TBC1D19: variants seen among roughly 807,000 people sequenced by gnomAD.
TBC1D19 encodes TBC1 domain family member 19, also known as TBC1 domain family, member 19.
TBC1D19 carries 60 observed loss-of-function variants against 89.0 expected under a neutral mutation model. That is an observed-to-expected ratio of 0.67 (90% CI 0.55 to 0.84). The LOEUF (loss-of-function observed/expected upper bound fraction) is 0.84, where lower values mean the gene tolerates loss of function less well. Among genes scored for constraint, TBC1D19 ranks in the 40% least tolerant of loss-of-function variants. TBC1D19 has a pLI of 0.00. For synonymous variants in TBC1D19, 189 were observed against 199.7 expected, an observed-to-expected ratio of 0.95 and a Z score of 0.45; for missense variants, 500 against 610.8, an observed-to-expected ratio of 0.82 and a Z score of 1.91.
intron 3 of TBC1D19, among the ~76,000 whole-genome samples, chr4:26,615,665 G>T (rs768278788): frequency 6.6e-6 from 1 of 152,022 alleles, no homozygotes; most frequent in Non-Finnish European, 1.5e-5. Flanking sequence ...ATTAGCATTT[G>T]CTTCTTTGCT....
the TBC1D19 span, among the ~76,000 whole-genome samples, chr4:26,853,954 A>G: frequency 1.3e-4 from 20 of 152,356 alleles, no homozygotes; most frequent in East Asian, 3.5e-3. Context: ...CTTCGTTTCC[A>G]TATCAGAAGG....
the TBC1D19 span, among the ~76,000 whole-genome samples, chr4:26,833,158 G>T: frequency 6.6e-6 from 1 of 152,162 alleles, no homozygotes; most frequent in African/African-American, 2.4e-5. Context: ...AGCGAAGAAA[G>T]ACTTTACATT....
At chr4:26,666,221 C>T (rs1711796149) in intron 8 of TBC1D19, 112 bp from the exon 9 acceptor site, 1 of 793,510 alleles carries the variant, frequency 1.3e-6, no homozygotes. Context: ...AAAGCAAAGC[C>T]TCATTTCACA....
At chr4:26,618,306 A>G (rs1235394391) in intron 3 of TBC1D19, among the ~76,000 whole-genome samples, 3 of 152,330 alleles carry the variant, frequency 2.0e-5, no homozygotes, top group Middle Eastern at 3.4e-3. Context: ...TGGGGATGTC[A>G]TGGTGGCTTA....
At chr4:26,637,861 A>G (rs1180177103) in intron 5 of TBC1D19, among the ~76,000 whole-genome samples, 2 of 152,194 alleles carry the variant, frequency 1.3e-5, no homozygotes, top group African/African-American at 4.8e-5. Flanking sequence ...TTGGCTGTAA[A>G]GATTAGGAAT....
intron 1 of TBC1D19, among the ~76,000 whole-genome samples, chr4:26,604,153 T>C (rs955415714): frequency 3.1e-5 from 4 of 128,070 alleles, no homozygotes; most frequent in East Asian, 4.2e-4. Flanking sequence ...TTTTTCTTTT[T>C]TTTTTTTTTT....
At chr4:26,801,188 G>A in the TBC1D19 span, among the ~76,000 whole-genome samples, 9 of 152,146 alleles carry the variant, frequency 5.9e-5, no homozygotes, top group Non-Finnish European at 1.3e-4. Flanking sequence ...TTTAGTGTAA[G>A]GTGTAAGGAA....
Position 26,755,892 on chromosome 4 carries a change from T to G in TBC1D19, c.*945T>G, listed in dbSNP as rs1367768990. 6.6e-6 allele frequency among the ~76,000 whole-genome samples: 1 copy of G among 152,196 alleles called. No homozygotes were observed. The highest frequency in any genetic ancestry group is 2.4e-5 in the African/African-American group (1 of 41,460). ...GCCTTATTTTGGGCTTTATTATAAG[T>G]GAAGGGTCTTATTTTGTATTACTTC... is the stretch of plus-strand genomic sequence containing the variant. On this transcript the variant is annotated 3_prime_UTR_variant, in exon 21 of 21. Transcript: ENST00000264866.
At chr4:26,722,747 C>A (rs1717059887) in intron 15 of TBC1D19, among the ~76,000 whole-genome samples, 1 of 152,158 alleles carries the variant, frequency 6.6e-6, no homozygotes, top group Non-Finnish European at 1.5e-5. Flanking sequence ...ATTTTCCAAG[C>A]AGTACTATAT....
chr4:26,604,258 A>G (rs1740830650), intron 1 of TBC1D19, among the ~76,000 whole-genome samples: 1 of 140,986 alleles, frequency 7.1e-6, no homozygotes, highest in Non-Finnish European at 1.5e-5. Flanking sequence ...GGTTCACGCC[A>G]TTCTCCTGCC....
downstream of TBC1D19, among the ~76,000 whole-genome samples, chr4:26,759,042 T>C (rs1481346374): frequency 6.6e-6 from 1 of 152,220 alleles, no homozygotes; most frequent in Non-Finnish European, 1.5e-5. Context: ...ATGCCTTCTC[T>C]TCCCTCTTTA....
intron 3 of TBC1D19, among the ~76,000 whole-genome samples, chr4:26,618,053 C>T (rs1741807898): frequency 6.6e-6 from 1 of 152,168 alleles, no homozygotes; most frequent in Non-Finnish European, 1.5e-5. Flanking sequence ...ACCTGGGTAC[C>T]TCTGAAACGT....
intron 16 of TBC1D19, among the ~76,000 whole-genome samples, chr4:26,738,564 A>G (rs895336010): frequency 2.0e-5 from 3 of 151,824 alleles, no homozygotes; most frequent in African/African-American, 7.2e-5. Flanking sequence ...TAGTAAAATA[A>G]GTTTTAAAAA....
intron 1 of TBC1D19, among the ~76,000 whole-genome samples, chr4:26,611,379 A>G (rs1354265972): frequency 6.6e-6 from 1 of 151,812 alleles, no homozygotes; most frequent in South Asian, 2.1e-4. Context: ...GAACTAGGCT[A>G]TTTGACTTTA....
Position 26,638,907 on chromosome 4 carries a change from A to G in TBC1D19, c.433+73A>G, listed in dbSNP as rs559270833. On this transcript the variant is annotated intron_variant, in intron 6 of 20. Transcript: ENST00000264866. Reference sequence around the variant, plus strand: ...TTCTTAACTGTGGATCCAAAATAACATAATTAACAATTCTTTTGGGAAGAT... The same window carrying G: ...TTCTTAACTGTGGATCCAAAATAACGTAATTAACAATTCTTTTGGGAAGAT... The G allele has an allele frequency of 3.6e-5, 41 of 1,150,822 alleles. 2 individuals are homozygous for G. The East Asian group carries it at 9.2e-4, about 26-fold the overall frequency. 71.3% of individuals were successfully genotyped at this position (1,150,822 alleles called of 1,614,324 possible). A position where few individuals can be genotyped will look rare whatever the true frequency, so the allele number is the denominator to read the frequency against.
At chr4:26,825,968 T>C in the TBC1D19 span, among the ~76,000 whole-genome samples, 93 of 152,222 alleles carry the variant, frequency 6.1e-4, no homozygotes, top group African/African-American at 2.1e-3. Context: ...TTGGGAGGCT[T>C]AGGCGGGCGA....
chr4:26,834,977 T>G, the TBC1D19 span, among the ~76,000 whole-genome samples: 2 of 152,178 alleles, frequency 1.3e-5, no homozygotes, highest in African/African-American at 4.8e-5. Context: ...ATTTGAGCCC[T>G]TAGCCCTTAC....
chr4:26,620,694 C>G lies in TBC1D19; in HGVS notation c.294+6C>G, dbSNP rs1741988981. The G allele has an allele frequency of 2.5e-6, 4 of 1,611,922 alleles. No individual in the cohort carries two copies. The highest frequency in any genetic ancestry group is 3.3e-5 in the Admixed American group (2 of 59,750). ...TATACATGAGGAAAGCACAGGTTGG[C>G]TATTGTTCAATTTCATTTTATTTTT... On this transcript the variant is annotated splice_donor_region_variant and intron_variant, in intron 4 of 20. Coordinates refer to ENST00000264866, the MANE Select transcript of TBC1D19 (RefSeq NM_018317.4).
intron 1 of TBC1D19, among the ~76,000 whole-genome samples, chr4:26,607,351 ATAT>A (rs1162679819): frequency 2.6e-5 from 4 of 152,206 alleles, no homozygotes; most frequent in African/African-American, 7.2e-5. Context: ...CATCTGGGAC[ATAT>A]TATATTTTAT....
Sources: allele counts gnomAD v4.1 joint callset (sites outside exome capture counted in the v4.1 genomes callset), GRCh38; gene constraint gnomAD v4.1.1; transcripts MANE v1.5; gene names NCBI Gene and HGNC (gene_info 2026-07-23, HGNC 2026-07-21).